SLC2A12: variants seen among roughly 807,000 people sequenced by gnomAD.
SLC2A12 encodes the protein solute carrier family 2, facilitated glucose transporter member 12.
A neutral mutation model predicts 41.8 loss-of-function variants in SLC2A12; 23 were observed. That is an observed-to-expected ratio of 0.55 (90% CI 0.40 to 0.78). The LOEUF (loss-of-function observed/expected upper bound fraction) is 0.78, where lower values mean the gene tolerates loss of function less well. Ranked by LOEUF, SLC2A12 falls within the 30% of genes least tolerant of loss-of-function variation. SLC2A12 has a pLI of 0.00. For missense variants in SLC2A12, 654 were observed against 745.6 expected, an observed-to-expected ratio of 0.88 and a Z score of 1.43; for synonymous variants, 295 against 285.9, an observed-to-expected ratio of 1.03 and a Z score of -0.32.
At chr6:134,023,803 G>A (rs989910875) in intron 2 of SLC2A12, among the ~76,000 whole-genome samples, 3 of 151,998 alleles carry the variant, frequency 2.0e-5, no homozygotes, top group African/African-American at 7.2e-5. Flanking sequence ...CTGAATTTAG[G>A]GCCCTTGACC....
intron 4 of SLC2A12, among the ~76,000 whole-genome samples, chr6:133,992,756 C>T (rs1163589589): frequency 3.3e-5 from 5 of 152,132 alleles, no homozygotes; most frequent in African/African-American, 9.6e-5. Flanking sequence ...TCCAGGTCGT[C>T]GTGGGGCTGA....
chr6:134,013,663 CACTT>C (rs1776918679), intron 2 of SLC2A12, among the ~76,000 whole-genome samples: 1 of 142,772 alleles, frequency 7.0e-6, no homozygotes, highest in Non-Finnish European at 1.5e-5. Context: ...ATAGCAATGT[CACTT>C]AATTCTTTAA....
chr6:134,044,211 C>T (rs1446048610), intron 1 of SLC2A12, among the ~76,000 whole-genome samples: 1 of 152,078 alleles, frequency 6.6e-6, no homozygotes, highest in Non-Finnish European at 1.5e-5. Flanking sequence ...AATATCAAGC[C>T]ATCTCCTCCA....
Position 133,989,829 on chromosome 6 carries a change from A to G in SLC2A12, c.*1326T>C, listed in dbSNP as rs1582591051. ...TAGGAAAATTCCAAGCTAAATAAAAAGGAGCTTTGGCTCTTAGGATTCTCT... is the reference window on the plus strand; with the variant it reads ...TAGGAAAATTCCAAGCTAAATAAAAGGGAGCTTTGGCTCTTAGGATTCTCT... On this transcript the variant is annotated 3_prime_UTR_variant, in exon 5 of 5. Transcript: ENST00000275230. 6.6e-6 allele frequency: 1 copy of G among 152,248 alleles called. No individual in the cohort carries two copies. The highest frequency in any genetic ancestry group is 6.5e-5 in the Admixed American group (1 of 15,288). 9.4% of individuals were successfully genotyped at this position (152,248 alleles called of 1,614,324 possible).
At chr6:134,052,270 C>CACACACACACACAT in intron 1 of SLC2A12, 108 bp downstream of exon 1, 1 of 796,410 alleles carries the variant, frequency 1.3e-6, no homozygotes, top group Non-Finnish European at 1.9e-6. Context: ...CACACACACA[C>CACACACACACACAT]ACACACACAC....
chr6:133,993,443 A>T (rs1478076232), intron 4 of SLC2A12, among the ~76,000 whole-genome samples: 1 of 152,230 alleles, frequency 6.6e-6, no homozygotes, highest in Non-Finnish European at 1.5e-5. Context: ...TAAAACTTGC[A>T]GTGTCATCCT....
Position 133,987,831 on chromosome 6 carries a change from A to G in SLC2A12, c.*3324T>C, listed in dbSNP as rs1776560482. The G allele has an allele frequency of 6.6e-6, 1 of 152,570 alleles. No homozygotes were observed. Among genetic ancestry groups the G allele is most frequent in the African/African-American group, 2.4e-5 (1 of 41,452 alleles). 9.5% of individuals were successfully genotyped at this position (152,570 alleles called of 1,614,324 possible). ...TTTTATGTTGCTAATTTAATATGAT[A>G]GAAAATGTTAAATAACTTGTAAAGG... On this transcript the variant is annotated 3_prime_UTR_variant, in exon 5 of 5. Transcript: ENST00000275230.
Position 134,029,200 on chromosome 6 carries a change from A to G in SLC2A12, c.625T>C (p.Leu209=). 6.2e-7 allele frequency: 1 copy of G among 1,614,174 alleles called. No homozygotes were observed. Among genetic ancestry groups the G allele is most frequent in the Non-Finnish European group, 8.5e-7 (1 of 1,180,052 alleles). Residue 209 remains leucine (L), a synonymous_variant, in exon 2 of 5, where the codon TTG becomes CTG. Coordinates refer to ENST00000275230, the MANE Select transcript of SLC2A12 (RefSeq NM_145176.3). Reference sequence around the variant, plus strand: ...AGAAAATACATTGCAATTGCTTGCAAAACTCCCAAGGGAATCACAAGACCA... The same window carrying G: ...AGAAAATACATTGCAATTGCTTGCAGAACTCCCAAGGGAATCACAAGACCA... ...MFGLVIPLGV[L]QAIAMYFLPP... is the part of the protein sequence containing the mutation.
intron 1 of SLC2A12, among the ~76,000 whole-genome samples, chr6:134,038,967 A>G (rs1165992424): frequency 6.6e-6 from 1 of 152,020 alleles, no homozygotes; most frequent in African/African-American, 2.4e-5. Flanking sequence ...GGCCTCCCAA[A>G]GTGCTGGGAT....
rs1199795920 is a variant in SLC2A12, at chr6:133,988,435, A to G, written c.*2720T>C. ...TCTCAGGAGAAACTTAATGGGGACA[A>G]TATTCCAACACAATGTTCCACAAAA... On this transcript the variant is annotated 3_prime_UTR_variant, in exon 5 of 5. Coordinates refer to ENST00000275230, the MANE Select transcript of SLC2A12 (RefSeq NM_145176.3). 6.6e-6 allele frequency: 1 copy of G among 152,202 alleles called. No homozygotes were observed. The highest frequency in any genetic ancestry group is 1.9e-4 in the East Asian group (1 of 5,198). The allele number at this position is 152,202 out of a possible 1,614,324, so 9.4% of individuals were successfully genotyped here. A position where few individuals can be genotyped will look rare whatever the true frequency, so the allele number is the denominator to read the frequency against.
At chr6:134,024,224 G>A (rs1002296923) in intron 2 of SLC2A12, among the ~76,000 whole-genome samples, 6 of 152,188 alleles carry the variant, frequency 3.9e-5, no homozygotes, top group Admixed American at 3.9e-4. Flanking sequence ...AAAGACATGA[G>A]TGCTGCAGTT....
intron 1 of SLC2A12, among the ~76,000 whole-genome samples, chr6:134,038,862 G>A (rs1198074803): frequency 1.3e-5 from 2 of 151,360 alleles, no homozygotes; most frequent in Non-Finnish European, 2.9e-5. Flanking sequence ...CTATCACCAC[G>A]CCTGGCTAAT....
intron 1 of SLC2A12, among the ~76,000 whole-genome samples, chr6:134,035,151 C>CAAAAAAAAAAAAAAAAA (rs71003662): frequency 9.3e-6 from 1 of 107,910 alleles, no homozygotes. Context: ...GGCTGCCTGA[C>CAAAAAAAAAAAAAAAAA]AAAAAAAAAA....
At chr6:134,047,812 G>A (rs2114514849) in intron 1 of SLC2A12, among the ~76,000 whole-genome samples, 1 of 152,342 alleles carries the variant, frequency 6.6e-6, no homozygotes, top group Admixed American at 6.5e-5. Flanking sequence ...CAGGCATGCT[G>A]GTGTGCACCA....
chr6:133,990,218 GGTA>G lies in SLC2A12; in HGVS notation c.*934_*936del, dbSNP rs1241791461. 5 of 152,628 alleles carry G rather than the reference GGTA, an allele frequency of 3.3e-5. No individual in the cohort carries two copies. Among genetic ancestry groups the G allele is most frequent in the Admixed American group, 1.3e-4 (2 of 15,276 alleles). The allele number at this position is 152,628 out of a possible 1,614,324, so 9.5% of individuals were successfully genotyped here. ...TTATAGCCTGTGTACCGTAACCTGAGGTAGTGATATTCCTGAGGAGTGTGAAGA... is the reference window on the plus strand; with the variant it reads ...TTATAGCCTGTGTACCGTAACCTGAGGTGATATTCCTGAGGAGTGTGAAGA... On this transcript the variant is annotated 3_prime_UTR_variant, in exon 5 of 5. Coordinates refer to ENST00000275230, the MANE Select transcript of SLC2A12 (RefSeq NM_145176.3).
chr6:134,047,997 T>A (rs1372891411), intron 1 of SLC2A12, among the ~76,000 whole-genome samples: 2 of 152,162 alleles, frequency 1.3e-5, no homozygotes, highest in Non-Finnish European at 2.9e-5. Flanking sequence ...GGGTGACACA[T>A]CCTTAGAGAG....
At chr6:134,034,762 G>A (rs1211342152) in intron 1 of SLC2A12, among the ~76,000 whole-genome samples, 1 of 152,184 alleles carries the variant, frequency 6.6e-6, no homozygotes, top group Admixed American at 6.5e-5. Flanking sequence ...AGGAGAAGTT[G>A]TCAGTGGTGA....
intron 1 of SLC2A12, 128 bp downstream of exon 1, chr6:134,052,250 T>TACAC (rs55702666): frequency 0.08 from 29,564 of 369,454 alleles, 904 homozygotes; most frequent in Middle Eastern, 0.098. Flanking sequence ...CGCGCGCGCA[T>TACAC]ACACACACAC....
At chr6:134,022,076 C>T (rs1777047863) in intron 2 of SLC2A12, among the ~76,000 whole-genome samples, 1 of 152,126 alleles carries the variant, frequency 6.6e-6, no homozygotes. Context: ...CCCTATGGTC[C>T]TGCAGACACC....
Sources: allele counts gnomAD v4.1 joint callset (sites outside exome capture counted in the v4.1 genomes callset), GRCh38; gene constraint gnomAD v4.1.1; transcripts MANE v1.5; gene names NCBI Gene and HGNC (gene_info 2026-07-23, HGNC 2026-07-21).